Variants in MID2 observed in about 807,000 individuals in gnomAD.
MID2 encodes the protein midline 2, also known as probable E3 ubiquitin-protein ligase MID2.
MID2 carries 13 observed loss-of-function variants against 46.1 expected under a neutral mutation model. That is an observed-to-expected ratio of 0.28 (90% CI 0.18 to 0.45). The LOEUF (loss-of-function observed/expected upper bound fraction) is 0.45. MID2 is among the 20% of genes least tolerant of loss of function. MID2 has a pLI of 1.00. For synonymous variants in MID2, 199 were observed against 212.3 expected (o/e 0.94, Z 0.55); for missense variants, 431 against 575.4 (o/e 0.75, Z 2.57).
At chrX:107,866,265 G>A (rs867245772) in intron 3 of MID2, among the ~76,000 whole-genome samples, 1 of 111,946 alleles carries the variant, frequency 8.9e-6, no homozygotes, top group African/African-American at 3.2e-5. Context: ...TATATTGGTA[G>A]CTCACAGAGA....
At chrX:107,865,118 A>T (rs1012654215) in intron 3 of MID2, among the ~76,000 whole-genome samples, 1 of 112,175 alleles carries the variant, frequency 8.9e-6, no homozygotes, top group African/African-American at 3.2e-5. Flanking sequence ...ATCCAATTTT[A>T]CTGAGGTCCT....
intron 3 of MID2, among the ~76,000 whole-genome samples, chrX:107,880,736 G>C (rs1932300896): frequency 8.9e-6 from 1 of 112,032 alleles, no homozygotes; most frequent in Non-Finnish European, 1.9e-5. Context: ...TCTATGCTTT[G>C]AGCCTGGTGG....
At chrX:107,887,623 A>T (rs771242571) in intron 3 of MID2, among the ~76,000 whole-genome samples, 96 of 111,665 alleles carry the variant, frequency 8.6e-4, no homozygotes, top group African/African-American at 3.1e-3. Flanking sequence ...TGGTATCAGG[A>T]TGATGCTGGC....
At chrX:107,857,571 G>A (rs1931768682) in intron 3 of MID2, among the ~76,000 whole-genome samples, 1 of 111,702 alleles carries the variant, frequency 9.0e-6, no homozygotes, top group Non-Finnish European at 1.9e-5. Context: ...GTGAGCCACC[G>A]GGCCCGGCCA....
chrX:107,848,915 C>T (rs1282424537), intron 2 of MID2, among the ~76,000 whole-genome samples: 1 of 111,975 alleles, frequency 8.9e-6, no homozygotes, highest in African/African-American at 3.3e-5. Flanking sequence ...CTGAAAATGT[C>T]GGTGCATAGA....
chrX:107,835,669 C>G (rs2147822601), intron 1 of MID2, among the ~76,000 whole-genome samples: 1 of 111,497 alleles, frequency 9.0e-6, no homozygotes, highest in East Asian at 2.8e-4. Flanking sequence ...TGGAAAAAAT[C>G]TATTGAAATC....
intron 4 of MID2, 42 bp from the exon 5 acceptor site, chrX:107,905,436 G>T: frequency 9.2e-7 from 1 of 1,081,897 alleles, no homozygotes; most frequent in South Asian, 2.0e-5. Flanking sequence ...ATTAAGCACT[G>T]CATGTTTTAT....
At chrX:107,837,687 C>G (rs1408164298) in intron 1 of MID2, among the ~76,000 whole-genome samples, 1 of 110,182 alleles carries the variant, frequency 9.1e-6, no homozygotes, top group Non-Finnish European at 1.9e-5. Flanking sequence ...GAAAAGAGCA[C>G]AGGCATTGGA....
At chrX:107,879,024 G>A (rs1476015202) in intron 3 of MID2, among the ~76,000 whole-genome samples, 1 of 111,238 alleles carries the variant, frequency 9.0e-6, no homozygotes, top group Admixed American at 9.6e-5. Context: ...GGGAGTGCAG[G>A]TGAGCAGGTG....
chrX:107,887,440 A>C (rs776239372), intron 3 of MID2, among the ~76,000 whole-genome samples: 1 of 111,793 alleles, frequency 8.9e-6, no homozygotes. Context: ...TGATTTGTGT[A>C]TGTTGAACCA....
Position 107,826,403 on chromosome X carries a change from A to C in MID2, c.-24A>C, listed in dbSNP as rs1602450182. ...CCCAGCGCCCTCGAGCGAGCGGAGG[A>C]GATGGCTGGCACCTGGGAACGCTAT... On this transcript the variant is annotated 5_prime_UTR_variant, in exon 1 of 10. Transcript: ENST00000262843. 3 of 1,136,799 alleles carry C rather than the reference A, an allele frequency of 2.6e-6. No homozygotes were observed. The East Asian group carries it at 1.1e-4, about 42-fold the overall frequency. 93.7% of individuals were successfully genotyped at this position (1,136,799 alleles called of 1,213,427 possible).
At chrX:107,903,525 A>G (rs767912380) in intron 3 of MID2, among the ~76,000 whole-genome samples, 8 of 112,240 alleles carry the variant, frequency 7.1e-5, no homozygotes, top group Non-Finnish European at 1.3e-4. Context: ...GGGAACAAGG[A>G]AAACTGAAAA....
At chrX:107,925,674 C>T (rs764035127) in intron 8 of MID2, among the ~76,000 whole-genome samples, 6 of 111,444 alleles carry the variant, frequency 5.4e-5, no homozygotes, top group Non-Finnish European at 1.1e-4. Context: ...TACCCAAATC[C>T]CAAACAACCC....
At chrX:107,832,330 C>G (rs1931106109) in intron 1 of MID2, among the ~76,000 whole-genome samples, 1 of 111,517 alleles carries the variant, frequency 9.0e-6, no homozygotes, top group Non-Finnish European at 1.9e-5. Flanking sequence ...ATACCATGAT[C>G]AGTCCCATGA....
intron 3 of MID2, among the ~76,000 whole-genome samples, chrX:107,871,369 G>T (rs1932063146): frequency 9.0e-6 from 1 of 111,381 alleles, no homozygotes; most frequent in Non-Finnish European, 1.9e-5. Flanking sequence ...TGAAGGAGCT[G>T]GGGCAAGCGC....
At chrX:107,899,028 A>G (rs1932769773) in intron 3 of MID2, among the ~76,000 whole-genome samples, 1 of 111,009 alleles carries the variant, frequency 9.0e-6, no homozygotes, top group African/African-American at 3.3e-5. Flanking sequence ...GCAATGATGC[A>G]CTATAGGACT....
intron 2 of MID2, among the ~76,000 whole-genome samples, chrX:107,846,793 G>GT (rs1196318040): frequency 8.9e-6 from 1 of 111,734 alleles, no homozygotes; most frequent in Non-Finnish European, 1.9e-5. Flanking sequence ...TTATCTTTCT[G>GT]TTTTTCTGTT....
intron 2 of MID2, among the ~76,000 whole-genome samples, chrX:107,847,004 A>C (rs2300106): frequency 0.3 from 33,452 of 110,954 alleles, 7,004 homozygotes; most frequent in African/African-American, 0.76. Flanking sequence ...ATTACTGAAC[A>C]CAAAGAAGTG....
intron 2 of MID2, among the ~76,000 whole-genome samples, chrX:107,846,461 C>T (rs369786363): frequency 1.8e-4 from 20 of 110,032 alleles, no homozygotes; most frequent in African/African-American, 6.3e-4. Flanking sequence ...ACTCAATGCT[C>T]ATAAAATCAT....
Sources: gnomAD v4.1 joint callset for allele counts (sites outside exome capture counted in the v4.1 genomes callset) on GRCh38, gnomAD v4.1.1 for gene constraint, MANE v1.5 for transcripts, NCBI Gene and HGNC (gene_info 2026-07-23, HGNC 2026-07-21) for gene names.